The following LRP1B variants were observed in gnomAD, a reference collection of about 807,000 sequenced individuals.
LRP1B encodes LDL receptor related protein 1B, also known as low-density lipoprotein receptor-related protein 1B.
Under a neutral mutation model 556.6 loss-of-function variants are expected in LRP1B, and 217 were observed. That is an observed-to-expected ratio of 0.39 (90% CI 0.35 to 0.44). The LOEUF is 0.44. Ranked by LOEUF, LRP1B falls within the 20% of genes least tolerant of loss-of-function variation. The pLI, the probability that LRP1B is intolerant of heterozygous loss-of-function variation, is 1.00. For synonymous variants in LRP1B, 2,047 were observed against 1,865.8 expected (o/e 1.10, Z -2.50); for missense variants, 5,053 against 5,620.8 (o/e 0.90, Z 3.23).
At chr2:141,640,935 C>T (rs965948983) in intron 2 of LRP1B, among the ~76,000 whole-genome samples, 7 of 152,134 alleles carry the variant, frequency 4.6e-5, no homozygotes, top group African/African-American at 1.7e-4. Context: ...TGGTGGTGAG[C>T]AGCTGATTTG....
chr2:141,350,785 A>G (rs1688417454), intron 3 of LRP1B, among the ~76,000 whole-genome samples: 1 of 152,034 alleles, frequency 6.6e-6, no homozygotes, highest in Admixed American at 6.6e-5. Context: ...TGCCTGATCA[A>G]GTCATTTCAT....
At chr2:140,984,959 T>C (rs76661175) in intron 17 of LRP1B, among the ~76,000 whole-genome samples, 3,497 of 152,158 alleles carry the variant, frequency 0.023, 68 homozygotes, top group South Asian at 0.035. Context: ...GAAAACAAAC[T>C]CACAACATTC....
At chr2:141,786,630 T>A (rs1176702244) in intron 2 of LRP1B, among the ~76,000 whole-genome samples, 1 of 151,926 alleles carries the variant, frequency 6.6e-6, no homozygotes, top group Non-Finnish European at 1.5e-5. Flanking sequence ...CTGCCTTTGA[T>A]TTCCTTTGCT....
rs995541299 is a variant in LRP1B, at chr2:141,700,737, C to T, written c.205+109542G>A. On this transcript the variant is annotated intron_variant, in intron 2 of 90. Transcript: ENST00000389484. ...AGCCATAAAACCTAAAAATATTACA[C>T]GAACTTTCCATCCTCCTTTAAGGAG... Among the ~76,000 whole-genome samples the T allele has an allele frequency of 7.9e-5, 12 of 151,822 alleles. No homozygotes were observed. In the East Asian group the frequency reaches 1.4e-3, roughly 17 times the overall value.
chr2:140,569,525 C>G (rs925643509), intron 43 of LRP1B, among the ~76,000 whole-genome samples: 1 of 151,748 alleles, frequency 6.6e-6, no homozygotes, highest in African/African-American at 2.4e-5. Context: ...TATATATACA[C>G]CCAACATTAG....
intron 21 of LRP1B, among the ~76,000 whole-genome samples, chr2:140,922,448 A>G (rs905936518): frequency 2.0e-5 from 3 of 152,022 alleles, no homozygotes; most frequent in Non-Finnish European, 4.4e-5. Context: ...GAAATAAGCA[A>G]TAGTACAGTA....
At chr2:140,272,347 CA>C (rs1682501653) in intron 85 of LRP1B, among the ~76,000 whole-genome samples, 1 of 151,390 alleles carries the variant, frequency 6.6e-6, no homozygotes, top group African/African-American at 2.4e-5. Flanking sequence ...TCAGTCCATA[CA>C]AATAGTTCCC....
chr2:141,442,425 C>CTTT lies in LRP1B; in HGVS notation c.343+37968_343+37970dup, dbSNP rs5834828. Among the ~76,000 whole-genome samples, 170 of 137,562 alleles carry CTTT rather than the reference C, an allele frequency of 1.2e-3. 1 individual carries two copies. Among genetic ancestry groups the CTTT allele is most frequent in the South Asian group, 3.0e-3 (13 of 4,350 alleles). The allele number at this position is 137,562 out of a possible 152,430, so 90.2% of individuals were successfully genotyped here. On this transcript the variant is annotated intron_variant, in intron 3 of 90. Transcript: ENST00000389484. ...CTGTATGTTTTAATCTTCACACATT[C>CTTT]TTTTTTTTTTTTTTTTAATTATACT...
chr2:140,704,688 G>A (rs1305895759), intron 37 of LRP1B, among the ~76,000 whole-genome samples: 1 of 152,014 alleles, frequency 6.6e-6, no homozygotes, highest in Non-Finnish European at 1.5e-5. Context: ...TATTAAAATG[G>A]CAGGTAATGT....
At chr2:140,273,813 G>A (rs571215487) in intron 85 of LRP1B, among the ~76,000 whole-genome samples, 26 of 152,064 alleles carry the variant, frequency 1.7e-4, no homozygotes, top group South Asian at 1.2e-3. Flanking sequence ...CCCTTTAGCC[G>A]CAATGTTCTG....
intron 60 of LRP1B, among the ~76,000 whole-genome samples, chr2:140,465,660 A>G (rs1573969421): frequency 1.3e-5 from 2 of 151,958 alleles, no homozygotes; most frequent in African/African-American, 4.8e-5. Context: ...TGAAAACTCA[A>G]ATGAGGGTAA....
intron 3 of LRP1B, among the ~76,000 whole-genome samples, chr2:141,279,572 C>A (rs1685433616): frequency 6.6e-6 from 1 of 152,018 alleles, no homozygotes; most frequent in Non-Finnish European, 1.5e-5. Flanking sequence ...TTCTCCAGTA[C>A]CCCCAGGGCC....
chr2:140,308,144 G>A (rs1684143431), intron 83 of LRP1B, among the ~76,000 whole-genome samples: 1 of 151,738 alleles, frequency 6.6e-6, no homozygotes, highest in Admixed American at 6.6e-5. Flanking sequence ...TATTGTAGAG[G>A]TATTTGATGT....
At chr2:141,917,095 A>T (rs1430693113) in intron 1 of LRP1B, among the ~76,000 whole-genome samples, 2 of 152,184 alleles carry the variant, frequency 1.3e-5, no homozygotes, top group African/African-American at 4.8e-5. Flanking sequence ...TTTATATAAC[A>T]CTTATACCTA....
chr2:140,570,822 G>A (rs1331384287), intron 43 of LRP1B, among the ~76,000 whole-genome samples: 4 of 151,688 alleles, frequency 2.6e-5, no homozygotes, highest in Non-Finnish European at 4.4e-5. Flanking sequence ...CATTCACCAC[G>A]ATCAAGTTGA....
At chr2:140,415,100 C>T (rs752010712) in intron 66 of LRP1B, among the ~76,000 whole-genome samples, 2 of 152,134 alleles carry the variant, frequency 1.3e-5, no homozygotes, top group Non-Finnish European at 2.9e-5. Flanking sequence ...TACCCTCAGG[C>T]TTACTAGGGT....
intron 1 of LRP1B, among the ~76,000 whole-genome samples, chr2:142,089,852 T>C (rs937292017): frequency 9.9e-5 from 15 of 152,204 alleles, no homozygotes; most frequent in Admixed American, 6.5e-4. Flanking sequence ...TATATTTTGA[T>C]ATATTCTTGA....
At chr2:142,078,379 A>G (rs1705588062) in intron 1 of LRP1B, among the ~76,000 whole-genome samples, 1 of 152,120 alleles carries the variant, frequency 6.6e-6, no homozygotes, top group Admixed American at 6.5e-5. Context: ...TGTCAAATAT[A>G]TTCAATTTAG....
intron 32 of LRP1B, among the ~76,000 whole-genome samples, chr2:140,802,390 TG>T (rs1164911249): frequency 1.3e-5 from 2 of 152,226 alleles, no homozygotes; most frequent in East Asian, 3.8e-4. Flanking sequence ...TACAGGTATC[TG>T]AACCCAGAAT....
Sources: gnomAD v4.1 joint callset for allele counts (sites outside exome capture counted in the v4.1 genomes callset) on GRCh38, gnomAD v4.1.1 for gene constraint, MANE v1.5 for transcripts, NCBI Gene and HGNC (gene_info 2026-07-23, HGNC 2026-07-21) for gene names.